HYCC1: variants seen among roughly 807,000 people sequenced by gnomAD.
HYCC1 encodes hyccin.
At chr7:23,014,085 GACTGACA>G in the HYCC1 span, 1 of 470,498 alleles carries the variant, frequency 2.1e-6, no homozygotes, top group African/African-American at 2.0e-5. Context: ...TCCTCTCACT[GACTGACA>G]ACCCAGCCGG....
the HYCC1 span, among the ~76,000 whole-genome samples, chr7:22,900,073 A>G: frequency 6.6e-6 from 1 of 152,220 alleles, no homozygotes; most frequent in African/African-American, 2.4e-5. Context: ...TTTATTCCAA[A>G]GGGCACTCCT....
the HYCC1 span, among the ~76,000 whole-genome samples, chr7:22,952,466 G>A: frequency 2.0e-5 from 3 of 151,908 alleles, no homozygotes; most frequent in African/African-American, 7.2e-5. Flanking sequence ...GGCTTAGTAC[G>A]TTGAAGTGTT....
the HYCC1 span, among the ~76,000 whole-genome samples, chr7:22,965,302 C>G: frequency 6.6e-6 from 1 of 151,846 alleles, no homozygotes; most frequent in Non-Finnish European, 1.5e-5. Flanking sequence ...CCATAATAAA[C>G]TTCAGATAGA....
chr7:22,912,538 G>C, the HYCC1 span, among the ~76,000 whole-genome samples: 52 of 152,240 alleles, frequency 3.4e-4, no homozygotes, highest in Non-Finnish European at 3.8e-4. Context: ...GGCCAAGCTG[G>C]GATAACCCCA....
the HYCC1 span, chr7:22,976,278 C>G: frequency 6.2e-7 from 1 of 1,612,574 alleles, no homozygotes; most frequent in South Asian, 1.1e-5. Context: ...CATTGTAACA[C>G]AACAAAAGGA....
At chr7:22,900,510 C>A in the HYCC1 span, among the ~76,000 whole-genome samples, 4 of 152,162 alleles carry the variant, frequency 2.6e-5, no homozygotes, top group Admixed American at 2.0e-4. Context: ...AAACAGATAT[C>A]TGCTAGGTAA....
At chr7:22,983,960 T>C in the HYCC1 span, 1 of 1,593,506 alleles carries the variant, frequency 6.3e-7, no homozygotes, top group East Asian at 2.2e-5. Flanking sequence ...TTGTGGCTCC[T>C]GGATAACTTT....
At chr7:22,947,700 C>A in the HYCC1 span, among the ~76,000 whole-genome samples, 1 of 151,044 alleles carries the variant, frequency 6.6e-6, no homozygotes, top group African/African-American at 2.4e-5. Flanking sequence ...ACATTAGGAA[C>A]CAAGCCACAC....
At chr7:22,977,069 G>A in the HYCC1 span, among the ~76,000 whole-genome samples, 159 of 32,558 alleles carry the variant, frequency 4.9e-3, no homozygotes, top group Admixed American at 7.3e-3. Flanking sequence ...CCTGCCCGCC[G>A]GCCAACACAC....
chr7:22,916,078 A>G, the HYCC1 span, among the ~76,000 whole-genome samples: 1 of 151,920 alleles, frequency 6.6e-6, no homozygotes, highest in Non-Finnish European at 1.5e-5. Context: ...AATCACCCTT[A>G]CCCCGCTCAA....
chr7:22,903,103 T>G, the HYCC1 span, among the ~76,000 whole-genome samples: 3 of 152,156 alleles, frequency 2.0e-5, no homozygotes, highest in Non-Finnish European at 4.4e-5. Context: ...ATTGCATCCC[T>G]TATACACTCC....
At chr7:22,957,792 C>T in the HYCC1 span, among the ~76,000 whole-genome samples, 61 of 152,004 alleles carry the variant, frequency 4.0e-4, no homozygotes, top group African/African-American at 5.8e-4. Context: ...TATTTTCATA[C>T]AGCCATAAAC....
the HYCC1 span, among the ~76,000 whole-genome samples, chr7:22,925,887 C>T: frequency 2.0e-5 from 3 of 152,104 alleles, no homozygotes; most frequent in African/African-American, 7.2e-5. Context: ...TTGTCAGATT[C>T]ACCAAAGTTG....
At chr7:22,959,365 A>G in the HYCC1 span, among the ~76,000 whole-genome samples, 2 of 152,204 alleles carry the variant, frequency 1.3e-5, no homozygotes, top group African/African-American at 2.4e-5. Context: ...TATAGAAACC[A>G]CAACACAACC....
the HYCC1 span, among the ~76,000 whole-genome samples, chr7:22,905,386 ATTTTTTTTTTTTTTTT>A: frequency 2.2e-5 from 1 of 44,470 alleles, no homozygotes; most frequent in East Asian, 8.3e-4. Context: ...CTAATTTTGT[ATTTTTTTTTTTTTTTT>A]TTTTTTTTTT....
the HYCC1 span, chr7:22,945,404 C>A: frequency 1.7e-6 from 1 of 599,350 alleles, no homozygotes; most frequent in Non-Finnish European, 2.9e-6. Flanking sequence ...CAAGAAATAA[C>A]AAAACCATAT....
chr7:22,978,535 G>T, the HYCC1 span: 2 of 1,113,906 alleles, frequency 1.8e-6, no homozygotes, highest in Non-Finnish European at 2.7e-6. Context: ...TTCTCAGATT[G>T]GTAAAAATCA....
chr7:22,924,333 G>C, the HYCC1 span, among the ~76,000 whole-genome samples: 1 of 152,162 alleles, frequency 6.6e-6, no homozygotes, highest in Non-Finnish European at 1.5e-5. Context: ...CGGACAGTGG[G>C]TGCAGGACAG....
At chr7:22,911,585 G>C in the HYCC1 span, among the ~76,000 whole-genome samples, 1 of 152,086 alleles carries the variant, frequency 6.6e-6, no homozygotes, top group Non-Finnish European at 1.5e-5. Context: ...TGGTGAAACC[G>C]TGTCTCCACT....
Sources: allele counts gnomAD v4.1 joint callset (sites outside exome capture counted in the v4.1 genomes callset), GRCh38; gene constraint gnomAD v4.1.1; transcripts MANE v1.5; gene names NCBI Gene and HGNC (gene_info 2026-07-23, HGNC 2026-07-21).